Variants in CCSER1 observed in about 807,000 individuals in gnomAD.
The protein encoded by CCSER1 is serine-rich coiled-coil domain-containing protein 1.
A neutral mutation model predicts 82.0 loss-of-function variants in CCSER1; 41 were observed. The observed-to-expected ratio is 0.50, with a 90% CI of 0.39 to 0.65. The LOEUF (loss-of-function observed/expected upper bound fraction) is 0.65. Among genes scored for constraint, CCSER1 ranks in the 30% least tolerant of loss-of-function variants. The probability of loss-of-function intolerance (pLI) is 0.00; values close to 1 mark genes in which losing one functional copy is unlikely to be tolerated. For synonymous variants in CCSER1, 414 were observed against 383.9 expected, an observed-to-expected ratio of 1.08 and a Z score of -0.92; for missense variants, 1,119 against 1,064.2, an observed-to-expected ratio of 1.05 and a Z score of -0.72.
At chr4:91,177,548 GA>G (rs1418918175) in intron 10 of CCSER1, among the ~76,000 whole-genome samples, 1 of 152,124 alleles carries the variant, frequency 6.6e-6, no homozygotes, top group African/African-American at 2.4e-5. Context: ...TTAGTCTTGG[GA>G]GGGTGTATGT....
intron 10 of CCSER1, among the ~76,000 whole-genome samples, chr4:91,425,997 T>C (rs1266869731): frequency 1.3e-5 from 2 of 152,134 alleles, no homozygotes; most frequent in African/African-American, 4.8e-5. Context: ...CATCAACCCA[T>C]CACCTACATT....
intron 3 of CCSER1, among the ~76,000 whole-genome samples, chr4:90,399,794 A>T (rs868149345): frequency 6.6e-6 from 1 of 152,108 alleles, no homozygotes; most frequent in African/African-American, 2.4e-5. Context: ...AAATATCATT[A>T]AAAAAGAAAA....
At chr4:91,067,796 A>G (rs759363628) in intron 9 of CCSER1, among the ~76,000 whole-genome samples, 6 of 152,238 alleles carry the variant, frequency 3.9e-5, no homozygotes, top group Admixed American at 6.5e-5. Context: ...TATGAATATT[A>G]GAGAATACCT....
chr4:90,324,128 A>G (rs1417283983), intron 3 of CCSER1, among the ~76,000 whole-genome samples: 3 of 152,200 alleles, frequency 2.0e-5, no homozygotes, highest in African/African-American at 4.8e-5. Context: ...CGCAATAAAC[A>G]TACGTGTGCA....
chr4:91,188,658 C>T (rs1027726464), intron 10 of CCSER1, among the ~76,000 whole-genome samples: 1 of 152,074 alleles, frequency 6.6e-6, no homozygotes, highest in Non-Finnish European at 1.5e-5. Flanking sequence ...CTGGTATGTC[C>T]TAGGTCATTA....
At chr4:90,689,802 G>T (rs1482150838) in intron 6 of CCSER1, among the ~76,000 whole-genome samples, 1 of 152,140 alleles carries the variant, frequency 6.6e-6, no homozygotes, top group Non-Finnish European at 1.5e-5. Flanking sequence ...GGAAGCTCTG[G>T]AGGGTAAATT....
At chr4:90,913,705 T>C (rs1726809256) in intron 8 of CCSER1, among the ~76,000 whole-genome samples, 1 of 151,990 alleles carries the variant, frequency 6.6e-6, no homozygotes, top group Admixed American at 6.6e-5. Context: ...GCAAATTGGA[T>C]AAAGAGTCAA....
chr4:91,592,665 C>T (rs2110343448), intron 10 of CCSER1, among the ~76,000 whole-genome samples: 1 of 152,210 alleles, frequency 6.6e-6, no homozygotes, highest in South Asian at 2.1e-4. Flanking sequence ...ATTGAATTCA[C>T]ATTATAATGT....
chr4:90,974,986 A>G (rs1167925798), intron 9 of CCSER1, among the ~76,000 whole-genome samples: 5 of 151,436 alleles, frequency 3.3e-5, no homozygotes, highest in Non-Finnish European at 7.4e-5. Flanking sequence ...TGATGAATCC[A>G]TAAAGCAAAG....
At chr4:91,355,253 T>C (rs1748746584) in intron 10 of CCSER1, among the ~76,000 whole-genome samples, 1 of 152,194 alleles carries the variant, frequency 6.6e-6, no homozygotes, top group African/African-American at 2.4e-5. Flanking sequence ...CGGCATCTTA[T>C]TCCATGCTGC....
chr4:90,428,032 C>G (rs1253482862), intron 4 of CCSER1, among the ~76,000 whole-genome samples: 1 of 151,782 alleles, frequency 6.6e-6, no homozygotes, highest in Non-Finnish European at 1.5e-5. Flanking sequence ...CTGAATCAAA[C>G]AAGTGTTATA....
chr4:90,182,011 G>A (rs574691193), intron 1 of CCSER1, among the ~76,000 whole-genome samples: 3 of 152,248 alleles, frequency 2.0e-5, no homozygotes, highest in East Asian at 1.9e-4. Flanking sequence ...TTAGTTGTAC[G>A]TAGAGGCTGT....
chr4:91,099,712 T>A (rs1006222664), intron 10 of CCSER1, among the ~76,000 whole-genome samples: 7 of 152,178 alleles, frequency 4.6e-5, no homozygotes, highest in African/African-American at 1.7e-4. Flanking sequence ...TTTAAACATT[T>A]TCTGTTTGAC....
At chr4:90,936,103 C>G (rs1370299386) in intron 9 of CCSER1, among the ~76,000 whole-genome samples, 2 of 151,904 alleles carry the variant, frequency 1.3e-5, no homozygotes, top group Non-Finnish European at 2.9e-5. Flanking sequence ...TATTTACTTT[C>G]TATTCAAATC....
intron 3 of CCSER1, among the ~76,000 whole-genome samples, chr4:90,390,177 A>G (rs969349778): frequency 7.2e-5 from 11 of 152,240 alleles, no homozygotes; most frequent in Non-Finnish European, 1.2e-4. Context: ...TAATGTAGGC[A>G]TTTGAGTAAC....
At chr4:90,795,796 T>C (rs1755920987) in intron 7 of CCSER1, among the ~76,000 whole-genome samples, 1 of 152,210 alleles carries the variant, frequency 6.6e-6, no homozygotes, top group South Asian at 2.1e-4. Flanking sequence ...ATGAATCACA[T>C]TTATTTATTT....
rs1038381157 is a variant in CCSER1 at position 90,383,250 on chromosome 4, T to TA, written c.1510-16778dup. Reference sequence around the variant, plus strand: ...CAAGTAAAATCGGAAAGGTTAGGCTTAAAAAAAACATTTTGAAACAGCACA... The same window carrying TA: ...CAAGTAAAATCGGAAAGGTTAGGCTTAAAAAAAAACATTTTGAAACAGCACA... On this transcript the variant is annotated intron_variant, in intron 3 of 10. Transcript: ENST00000509176. Among the ~76,000 whole-genome samples the TA allele has an allele frequency of 4.6e-5, 7 of 151,848 alleles. No homozygotes were observed. The East Asian group carries it at 9.7e-4, about 21-fold the overall frequency.
intron 8 of CCSER1, among the ~76,000 whole-genome samples, chr4:90,888,792 G>T (rs992567189): frequency 1.3e-5 from 2 of 152,086 alleles, no homozygotes; most frequent in Non-Finnish European, 2.9e-5. Flanking sequence ...TTTCTATCCA[G>T]TACAGGGTCA....
At chr4:91,403,857 C>CT (rs1195075029) in intron 10 of CCSER1, among the ~76,000 whole-genome samples, 33 of 152,176 alleles carry the variant, frequency 2.2e-4, no homozygotes, top group African/African-American at 7.5e-4. Flanking sequence ...CTAAAATTCT[C>CT]TTTTTTTGTT....
Sources: gnomAD v4.1 joint callset for allele counts (sites outside exome capture counted in the v4.1 genomes callset) on GRCh38, gnomAD v4.1.1 for gene constraint, MANE v1.5 for transcripts, NCBI Gene and HGNC (gene_info 2026-07-23, HGNC 2026-07-21) for gene names.